Variants in XG observed in about 807,000 individuals in gnomAD.
XG encodes glycoprotein Xg.
XG carries 24 observed loss-of-function variants against 25.7 expected under a neutral mutation model. That is an observed-to-expected ratio of 0.93 (90% confidence interval 0.68 to 1.31). The LOEUF (loss-of-function observed/expected upper bound fraction) is 1.31. XG is among the 40% of genes most tolerant of loss of function. XG has a pLI of 0.00. For synonymous variants in XG, 77 were observed against 69.2 expected (o/e 1.11, Z -0.56); for missense variants, 181 against 187.6 (o/e 0.96, Z 0.21).
At chrX:2,759,769 G>A (rs1162776606) in intron 1 of XG, among the ~76,000 whole-genome samples, 1 of 152,206 alleles carries the variant, frequency 6.6e-6, no homozygotes. Context: ...GGCACACAGG[G>A]GGTAGAAAAG....
chrX:2,777,473 G>A (rs1404934620), intron 3 of XG, among the ~76,000 whole-genome samples: 1 of 152,132 alleles, frequency 6.6e-6, no homozygotes, highest in African/African-American at 2.4e-5. Context: ...AATGCCTGTA[G>A]TCCCAGCTAC....
At chrX:2,808,899 C>T (rs1166564147) in intron 9 of XG, among the ~76,000 whole-genome samples, 1 of 111,611 alleles carries the variant, frequency 9.0e-6, no homozygotes, top group African/African-American at 3.3e-5. Flanking sequence ...TGTTGGCATC[C>T]TTAGAAAAAT....
intron 3 of XG, among the ~76,000 whole-genome samples, chrX:2,778,919 G>A (rs1363039369): frequency 6.6e-6 from 1 of 151,860 alleles, no homozygotes; most frequent in Non-Finnish European, 1.5e-5. Flanking sequence ...GTGCCACCAC[G>A]CCTGGCTAAT....
At chrX:2,775,583 G>A (rs311159) in intron 3 of XG, among the ~76,000 whole-genome samples, 79,200 of 151,904 alleles carry the variant, frequency 0.52, 20,787 homozygotes, top group African/African-American at 0.6. Context: ...AATATTCTAA[G>A]TGCCCCTGAA....
intron 4 of XG, among the ~76,000 whole-genome samples, chrX:2,788,188 G>A (rs1569040043): frequency 8.9e-6 from 1 of 112,470 alleles, no homozygotes; most frequent in Non-Finnish European, 1.9e-5. Context: ...CCTGAGGAAG[G>A]ACTTTGAGAA....
In XG at chrX:2,808,559, G is replaced by A. The variant is rs2087025742; in HGVS notation, c.454+339G>A. 1.3e-5 allele frequency: 10 copies of A among 751,688 alleles called. No individual in the cohort carries two copies. The South Asian group carries it at 6.8e-4, about 51-fold the overall frequency. 61.9% of individuals were successfully genotyped at this position (751,688 alleles called of 1,213,427 possible). On this transcript the variant is annotated intron_variant, in intron 9 of 10. Transcript: ENST00000644266. The stretch of plus-strand genomic sequence containing the variant: ...TGACCAGCACTAACTTGAAACCCAA[G>A]AAGGACAGGAGAAAGGAAGGTATGA...
intron 6 of XG, among the ~76,000 whole-genome samples, chrX:2,795,098 T>C (rs311176): frequency 0.088 from 9,576 of 109,069 alleles, 953 homozygotes; most frequent in African/African-American, 0.29. Context: ...ATACAGTACG[T>C]GGATACCTTT....
At position 2,780,144 on chromosome X, in the gene XG, CTG is replaced by C. The variant is rs774473980; in HGVS notation, c.128-1918_128-1917del. Among the ~76,000 whole-genome samples, 306 of 151,324 alleles carry C rather than the reference CTG, an allele frequency of 2.0e-3. 1 individual carries two copies. The highest frequency in any genetic ancestry group is 7.3e-3 in the African/African-American group (299 of 41,222). Reference sequence around the variant, plus strand: ...AGAAATTCTGGTTATAGAGCACAAACTGTGTATAGATAGCTCCTACCAAAACA... The same window carrying C: ...AGAAATTCTGGTTATAGAGCACAAACTGTATAGATAGCTCCTACCAAAACA... On this transcript the variant is annotated intron_variant, in intron 3 of 10. Transcript: ENST00000644266.
At chrX:2,787,577 A>G (rs917651418) in intron 4 of XG, among the ~76,000 whole-genome samples, 2 of 111,109 alleles carry the variant, frequency 1.8e-5, no homozygotes, top group Non-Finnish European at 1.9e-5. Context: ...CCAAGTTTCC[A>G]TAATCCCCCA....
chrX:2,790,310 G>A (rs1436638107), intron 5 of XG, among the ~76,000 whole-genome samples: 1 of 109,281 alleles, frequency 9.2e-6, no homozygotes, highest in African/African-American at 3.3e-5. Flanking sequence ...ACACCAGCCT[G>A]AGCAATATGA....
intron 3 of XG, chrX:2,775,001 T>G (rs1227545691): frequency 3.7e-6 from 2 of 541,718 alleles, no homozygotes; most frequent in African/African-American, 1.9e-5. Context: ...GTGATGAAAC[T>G]GGAATGTTTG....
intron 4 of XG, among the ~76,000 whole-genome samples, chrX:2,783,075 G>A (rs750272630): frequency 9.0e-6 from 1 of 111,244 alleles, no homozygotes; most frequent in South Asian, 3.8e-4. Context: ...TGCAAAGGCC[G>A]TTTGATACTC....
intron 1 of XG, among the ~76,000 whole-genome samples, chrX:2,758,993 A>G (rs2050498743): frequency 6.6e-6 from 1 of 151,284 alleles, no homozygotes; most frequent in Non-Finnish European, 1.5e-5. Flanking sequence ...TCCAACTCTC[A>G]TCTCTATTAC....
chrX:2,758,472 C>G (rs1372160513), intron 1 of XG, among the ~76,000 whole-genome samples: 5 of 152,324 alleles, frequency 3.3e-5, no homozygotes, highest in East Asian at 1.9e-4. Flanking sequence ...GTTACCTTTG[C>G]GTGGAGTCTC....
At chrX:2,798,090 C>T (rs1247674507) in intron 7 of XG, among the ~76,000 whole-genome samples, 2 of 111,298 alleles carry the variant, frequency 1.8e-5, no homozygotes, top group African/African-American at 6.5e-5. Flanking sequence ...AGCAAGAGAA[C>T]TCTTTTGGTC....
intron 5 of XG, among the ~76,000 whole-genome samples, chrX:2,792,260 C>G (rs940689774): frequency 2.7e-5 from 3 of 111,633 alleles, no homozygotes; most frequent in Non-Finnish European, 5.6e-5. Flanking sequence ...CCATTGCACT[C>G]CAGCCTGGGT....
intron 1 of XG, among the ~76,000 whole-genome samples, chrX:2,766,219 C>A (rs1277192385): frequency 1.3e-5 from 2 of 152,192 alleles, no homozygotes; most frequent in African/African-American, 2.4e-5. Flanking sequence ...TGGCTCACTG[C>A]AATCTCCACC....
chrX:2,784,600 A>G (rs964439082), intron 4 of XG, among the ~76,000 whole-genome samples: 2 of 110,893 alleles, frequency 1.8e-5, no homozygotes, highest in African/African-American at 6.5e-5. Context: ...TAAGAAAAAA[A>G]AAACTTAAAA....
chrX:2,790,884 T>C (rs1249545437), intron 5 of XG, among the ~76,000 whole-genome samples: 1 of 112,124 alleles, frequency 8.9e-6, no homozygotes, highest in East Asian at 2.8e-4. Context: ...ACCAATTGCT[T>C]TTGAAATGCA....
Sources: allele counts gnomAD v4.1 joint callset (sites outside exome capture counted in the v4.1 genomes callset), GRCh38; gene constraint gnomAD v4.1.1; transcripts MANE v1.5; gene names NCBI Gene and HGNC (gene_info 2026-07-23, HGNC 2026-07-21).